The following ZDHHC11 variants were observed in gnomAD, a reference collection of about 807,000 sequenced individuals.
The protein encoded by ZDHHC11 is palmitoyltransferase ZDHHC11.
In ZDHHC11, 44 loss-of-function variants were observed where a neutral mutation model predicts 51.3. That is an observed-to-expected ratio of 0.86 (90% CI 0.67 to 1.10). The LOEUF (loss-of-function observed/expected upper bound fraction) is 1.10. ZDHHC11 is among the 50% of genes least tolerant of loss of function. ZDHHC11 has a pLI of 0.00. For missense variants in ZDHHC11, 400 were observed against 537.7 expected, an observed-to-expected ratio of 0.74 and a Z score of 2.53; for synonymous variants, 163 against 222.0, an observed-to-expected ratio of 0.73 and a Z score of 2.36.
upstream of ZDHHC11, among the ~76,000 whole-genome samples, chr5:859,665 C>T (rs943451763): frequency 1.3e-5 from 2 of 152,210 alleles, no homozygotes; most frequent in Non-Finnish European, 2.9e-5. Flanking sequence ...AGTTGTTTCA[C>T]TGGCCATCCT....
chr5:849,920 G>C (rs1306976797), intron 1 of ZDHHC11: 2 of 169,078 alleles, frequency 1.2e-5, no homozygotes, highest in Non-Finnish European at 2.6e-5. Flanking sequence ...GGAGTTCAGG[G>C]TTGACAGCCA....
At chr5:857,960 G>C (rs1748498776) in intron 1 of ZDHHC11, among the ~76,000 whole-genome samples, 1 of 146,536 alleles carries the variant, frequency 6.8e-6, no homozygotes, top group Non-Finnish European at 1.5e-5. Flanking sequence ...CCTAGAGTCT[G>C]TCCTGGTCCC....
At position 795,771 on chromosome 5, in the gene ZDHHC11, A is replaced by C. The variant is rs1283738635; in HGVS notation, c.*817T>G. 6.5e-6 allele frequency: 1 copy of C among 154,264 alleles called. No homozygotes were observed. Among genetic ancestry groups the C allele is most frequent in the Non-Finnish European group, 1.5e-5 (1 of 67,888 alleles). The allele number at this position is 154,264 out of a possible 1,614,324, so 9.6% of individuals were successfully genotyped here. A position where few individuals can be genotyped will look rare whatever the true frequency, so the allele number is the denominator to read the frequency against. The stretch of plus-strand genomic sequence containing the variant: ...TAAGAAGTCTGGGCTAGGCTGAAAA[A>C]CTCAGAATCCAGGTCTGGGGTTTCC... On this transcript the variant is annotated 3_prime_UTR_variant, in exon 13 of 13. Coordinates refer to ENST00000283441, the MANE Select transcript of ZDHHC11 (RefSeq NM_024786.3).
chr5:805,593 T>C (rs1166594010), intron 11 of ZDHHC11, among the ~76,000 whole-genome samples: 16 of 150,716 alleles, frequency 1.1e-4, no homozygotes, highest in African/African-American at 3.7e-4. Flanking sequence ...AAAGATTTTT[T>C]AAATGGGCAG....
chr5:801,569 A>G (rs1179533775), intron 11 of ZDHHC11, among the ~76,000 whole-genome samples: 1 of 151,142 alleles, frequency 6.6e-6, no homozygotes, highest in Non-Finnish European at 1.5e-5. Flanking sequence ...GCTATCAGGG[A>G]GCCTTAAGTG....
Position 850,652 on chromosome 5 carries a change from C to G in ZDHHC11, c.-50G>C. ...CTGCGCCGTCAGATCCTGGGAGGGC[C>G]GGCCCCGCCCACTGTCACAGAGACC... On this transcript the variant is annotated 5_prime_UTR_variant, in exon 1 of 13. Coordinates refer to ENST00000283441, the MANE Select transcript of ZDHHC11 (RefSeq NM_024786.3). 1 of 1,589,394 alleles carries G rather than the reference C, an allele frequency of 6.3e-7. No individual in the cohort carries two copies. Among genetic ancestry groups the G allele is most frequent in the Non-Finnish European group, 8.5e-7 (1 of 1,171,114 alleles).
At chr5:853,165 C>G (rs183747386), upstream of ZDHHC11, among the ~76,000 whole-genome samples, 2 of 142,194 alleles carry the variant, frequency 1.4e-5, no homozygotes, top group East Asian at 4.4e-4. Flanking sequence ...GCCAGGGAGA[C>G]AGACCCCACA....
At chr5:853,261 C>G (rs57037928), upstream of ZDHHC11, among the ~76,000 whole-genome samples, 46,496 of 134,064 alleles carry the variant, frequency 0.35, 12,905 homozygotes, top group African/African-American at 0.77. Flanking sequence ...GAGCAGCGGG[C>G]ACAGACCCCA....
chr5:838,886 A>T (rs1744334460), intron 5 of ZDHHC11, among the ~76,000 whole-genome samples: 1 of 149,088 alleles, frequency 6.7e-6, no homozygotes, highest in Admixed American at 6.6e-5. Context: ...TGACTATTTT[A>T]ACCCAGGGAA....
At chr5:823,806 G>A (rs1434932854) in intron 8 of ZDHHC11, 2 of 313,882 alleles carry the variant, frequency 6.4e-6, no homozygotes, top group African/African-American at 4.3e-5. Context: ...ACTCACAAAT[G>A]CACCTGTGCA....
At chr5:796,829 C>T (rs1387545868) in intron 12 of ZDHHC11, among the ~76,000 whole-genome samples, 564 of 151,918 alleles carry the variant, frequency 3.7e-3, no homozygotes, top group African/African-American at 0.013. Flanking sequence ...AGTGCATCAC[C>T]GACAGAGGCC....
intron 3 of ZDHHC11, among the ~76,000 whole-genome samples, chr5:846,542 C>T (rs568501372): frequency 3.4e-5 from 5 of 149,246 alleles, no homozygotes; most frequent in Middle Eastern, 3.5e-3. Flanking sequence ...AGGGGAAACA[C>T]GTCTCATCTG....
intron 12 of ZDHHC11, among the ~76,000 whole-genome samples, chr5:799,639 C>A (rs1738127076): frequency 6.6e-6 from 1 of 151,370 alleles, no homozygotes; most frequent in Non-Finnish European, 1.5e-5. Flanking sequence ...CTCTGCTACT[C>A]CTCAGCCATT....
At chr5:854,022 C>T (rs564457451), upstream of ZDHHC11, among the ~76,000 whole-genome samples, 77 of 148,802 alleles carry the variant, frequency 5.2e-4, no homozygotes, top group Non-Finnish European at 1.0e-3. Flanking sequence ...GACAGCAAGC[C>T]AGGGGGACAG....
intron 7 of ZDHHC11, among the ~76,000 whole-genome samples, chr5:827,948 A>G (rs941035381): frequency 6.6e-6 from 1 of 151,022 alleles, no homozygotes; most frequent in Non-Finnish European, 1.5e-5. Context: ...ACTCTTAATG[A>G]GCATGCTGCC....
At chr5:858,355 C>A (rs1213506106) in intron 1 of ZDHHC11, among the ~76,000 whole-genome samples, 3 of 148,868 alleles carry the variant, frequency 2.0e-5, no homozygotes, top group African/African-American at 7.5e-5. Context: ...TGGTCCCCAT[C>A]CTGTCTTTAT....
chr5:853,093 A>AG (rs1326907099), upstream of ZDHHC11, among the ~76,000 whole-genome samples: 1 of 132,942 alleles, frequency 7.5e-6, no homozygotes. Context: ...ACAGCGAGCC[A>AG]GGGGACACAG....
chr5:801,287 A>G, intron 11 of ZDHHC11, 123 bp from the exon 12 acceptor site: 1 of 1,194,042 alleles, frequency 8.4e-7, no homozygotes, highest in Non-Finnish European at 1.2e-6. Context: ...TGACGTGGGC[A>G]ATCACTTCAC....
Position 839,842 on chromosome 5 carries a change from G to C in ZDHHC11, c.784+653C>G, listed in dbSNP as rs1168224914. On this transcript the variant is annotated intron_variant, in intron 5 of 12. Coordinates refer to ENST00000283441, the MANE Select transcript of ZDHHC11 (RefSeq NM_024786.3). ...CACAGAAACCCCCTGAGAGGCCACA[G>C]CCTCGGGGCCACCACTGCCCAGAGA... is the stretch of plus-strand genomic sequence containing the variant. The C allele has an allele frequency of 3.9e-4, 103 of 261,044 alleles. 1 individual carries two copies. Among genetic ancestry groups the C allele is most frequent in the Non-Finnish European group, 6.4e-4 (86 of 134,836 alleles). The allele number at this position is 261,044 out of a possible 1,614,324, so 16.2% of individuals were successfully genotyped here. A position where few individuals can be genotyped will look rare whatever the true frequency, so the allele number is the denominator to read the frequency against.
Sources: allele counts gnomAD v4.1 joint callset (sites outside exome capture counted in the v4.1 genomes callset), GRCh38; gene constraint gnomAD v4.1.1; transcripts MANE v1.5; gene names NCBI Gene and HGNC (gene_info 2026-07-23, HGNC 2026-07-21).